UHMK1: variants seen among roughly 807,000 people sequenced by gnomAD.
The protein encoded by UHMK1 is U2AF homology motif kinase 1.
A neutral mutation model predicts 44.0 loss-of-function variants in UHMK1; 18 were observed. That is an observed-to-expected ratio of 0.41 (90% confidence interval 0.28 to 0.61). The LOEUF (loss-of-function observed/expected upper bound fraction) is 0.61, where lower values mean the gene tolerates loss of function less well. UHMK1 is among the 20% of genes least tolerant of loss of function. UHMK1 has a pLI of 0.31. For missense variants in UHMK1, 463 were observed against 522.5 expected, an observed-to-expected ratio of 0.89 and a Z score of 1.11; for synonymous variants, 231 against 198.5, an observed-to-expected ratio of 1.16 and a Z score of -1.38.
At position 162,512,842 on chromosome 1, in the gene UHMK1, A is replaced by G; in HGVS notation, c.1024+19A>G. The G allele has an allele frequency of 6.3e-7, 1 of 1,599,746 alleles. No individual in the cohort carries two copies. The highest frequency in any genetic ancestry group is 1.1e-5 in the South Asian group (1 of 90,450). ...TATGAAGGTTAGTGTTTTCTAAATT[A>G]TATTTTAATGTGTCTTTCTTAAATA... On this transcript the variant is annotated intron_variant, in intron 6 of 7. Transcript: ENST00000489294.
chr1:162,512,740 A>G lies in UHMK1; in HGVS notation c.941A>G (p.Asp314Gly). 3.7e-6 allele frequency: 6 copies of G among 1,614,146 alleles called. No individual in the cohort carries two copies. The highest frequency in any genetic ancestry group is 2.7e-5 in the African/African-American group (2 of 75,052). Residue 314 changes from aspartate (D) to glycine (G), a missense_variant, in exon 6 of 8, where the codon GAT becomes GGT. Asp to Gly is a moderately conservative substitution (Grantham distance 94). This residue lies in a region of UHMK1 where 264 missense variants were observed against 326.3 expected (regional missense o/e 0.81). Coordinates refer to ENST00000489294, the MANE Select transcript of UHMK1 (RefSeq NM_175866.5). Reference protein sequence around the residue: ...FSIPFAPHIEDLVMLPTPVLR... With the variant: ...FSIPFAPHIEGLVMLPTPVLR... The stretch of plus-strand genomic sequence containing the variant: ...ATTTTAACAGCCCCTCATATTGAAG[A>G]TCTGGTCATGCTTCCCACTCCAGTG...
rs764788521 is a variant in UHMK1, at chr1:162,522,450, A to C, written c.1160A>C (p.Lys387Thr). Residue 387 changes from lysine to threonine, a missense_variant, in exon 8 of 8, where the codon AAA becomes ACA. Physicochemically the swap from Lys to Thr is moderately conservative, Grantham distance 78 (BLOSUM62 -1). Around this residue, in one of 3 missense-constraint regions of UHMK1, gnomAD observed 264 missense variants for 326.3 expected, o/e 0.81. Transcript: ENST00000489294. Reference protein sequence around the residue: ...ANAGDSKAAQKLLTGRMFDGK... With the variant: ...ANAGDSKAAQTLLTGRMFDGK... ...GCTGGTGATTCCAAAGCTGCGCAGA[A>C]ATTACTGACTGGAAGGATGTTTGAT... 1.2e-5 allele frequency: 19 copies of C among 1,614,198 alleles called. No individual in the cohort carries two copies. The highest frequency in any genetic ancestry group is 1.5e-5 in the Non-Finnish European group (18 of 1,180,026).
chr1:162,522,330 A>G, intron 7 of UHMK1, 74 bp from the exon 8 acceptor site: 1 of 1,522,126 alleles, frequency 6.6e-7, no homozygotes, highest in Non-Finnish European at 9.0e-7. Context: ...ATGTATATAT[A>G]TTAAAGGTGG....
At chr1:162,514,841 T>G (rs1651780848) in intron 6 of UHMK1, among the ~76,000 whole-genome samples, 1 of 152,206 alleles carries the variant, frequency 6.6e-6, no homozygotes, top group Admixed American at 6.5e-5. Flanking sequence ...TGAAATAGGT[T>G]GGAAGAGAAA....
At position 162,510,879 on chromosome 1, in the gene UHMK1, T is replaced by G. The variant is rs76685941; in HGVS notation, c.849-1621T>G. On this transcript the variant is annotated intron_variant, in intron 4 of 7. Coordinates refer to ENST00000489294, the MANE Select transcript of UHMK1 (RefSeq NM_175866.5). The stretch of plus-strand genomic sequence containing the variant: ...TTTTAAAAATTTTTTTTAAGGGGCC[T>G]CCATACTACTTTCCATAATGGCTTT... Among the ~76,000 whole-genome samples, 67 of 152,224 alleles carry G rather than the reference T, an allele frequency of 4.4e-4. 2 individuals are homozygous for G. The East Asian group carries it at 0.012, about 27-fold the overall frequency.
chr1:162,503,378 G>A (rs183236286), intron 3 of UHMK1, among the ~76,000 whole-genome samples: 3 of 152,132 alleles, frequency 2.0e-5, no homozygotes, highest in African/African-American at 4.8e-5. Flanking sequence ...GGGAGGCCAC[G>A]GTGGGCAGAT....
chr1:162,507,700 C>T (rs753657877), intron 4 of UHMK1, among the ~76,000 whole-genome samples: 1 of 151,014 alleles, frequency 6.6e-6, no homozygotes, highest in Non-Finnish European at 1.5e-5. Flanking sequence ...CATTCTCCTA[C>T]CTCAGCCTCC....
rs1347716739 is a variant in UHMK1 at position 162,527,933 on chromosome 1, TG to T, written c.*5384del. On this transcript the variant is annotated 3_prime_UTR_variant, in exon 8 of 8. Coordinates refer to ENST00000489294, the MANE Select transcript of UHMK1 (RefSeq NM_175866.5). Reference sequence around the variant, plus strand: ...AAAAAAACTGGAATTGTTTGTATTTTGTTTTTTTGGGGGGGGATCTTTATGT... The same window carrying T: ...AAAAAAACTGGAATTGTTTGTATTTTTTTTTTTGGGGGGGGATCTTTATGT... The T allele has an allele frequency of 5.3e-5, 8 of 151,850 alleles. No individual in the cohort carries two copies. The highest frequency in any genetic ancestry group is 1.9e-4 in the African/African-American group (8 of 41,414). 9.4% of individuals were successfully genotyped at this position (151,850 alleles called of 1,614,324 possible). A position where few individuals can be genotyped will look rare whatever the true frequency, so the allele number is the denominator to read the frequency against.
rs1571002554 is a variant in UHMK1, at chr1:162,499,823, T to C, written c.269-132T>C. The C allele has an allele frequency of 1.1e-5, 9 of 814,208 alleles. No homozygotes were observed. The East Asian group carries it at 2.5e-4, about 22-fold the overall frequency. The allele number at this position is 814,208 out of a possible 1,614,324, so 50.4% of individuals were successfully genotyped here. ...CAAAAGATCTTATTCATGGGAAAAA[T>C]AAATTACAGTGGAAGCTTGCTCATC... On this transcript the variant is annotated intron_variant, in intron 1 of 7. Transcript: ENST00000489294.
upstream of UHMK1, chr1:162,497,435 A>G (rs1310387019): frequency 1.8e-6 from 1 of 546,192 alleles, no homozygotes; most frequent in African/African-American, 1.9e-5. Flanking sequence ...CATCTAAAAG[A>G]AGAACAAAGG....
intron 3 of UHMK1, 23 bp from the exon 4 acceptor site, chr1:162,503,731 A>C: frequency 6.2e-7 from 1 of 1,601,736 alleles, no homozygotes; most frequent in South Asian, 1.1e-5. Context: ...TAACCAAAGG[A>C]AAACTTTTCT....
At chr1:162,503,717 T>C in intron 3 of UHMK1, 37 bp from the exon 4 acceptor site, 1 of 1,541,804 alleles carries the variant, frequency 6.5e-7, no homozygotes. Context: ...AAATACAGAC[T>C]GAATAACCAA....
chr1:162,508,009 T>C (rs1311808780), intron 4 of UHMK1, among the ~76,000 whole-genome samples: 2 of 152,246 alleles, frequency 1.3e-5, no homozygotes, highest in African/African-American at 4.8e-5. Flanking sequence ...TTAAAATGTC[T>C]AATTCTTTCC....
intron 7 of UHMK1, among the ~76,000 whole-genome samples, chr1:162,518,583 G>T (rs1355138818): frequency 6.6e-6 from 1 of 152,012 alleles, no homozygotes; most frequent in Non-Finnish European, 1.5e-5. Context: ...TTGGGAGGCT[G>T]AGGCAGGAGA....
intron 1 of UHMK1, among the ~76,000 whole-genome samples, 157 bp downstream of exon 1, chr1:162,498,425 A>G (rs1026936105): frequency 2.6e-5 from 4 of 151,852 alleles, no homozygotes; most frequent in African/African-American, 9.7e-5. Context: ...CTTTCACTTT[A>G]TTACTGTCTG....
At chr1:162,499,922 T>A in intron 1 of UHMK1, 33 bp from the exon 2 acceptor site, 4 of 1,605,322 alleles carry the variant, frequency 2.5e-6, no homozygotes, top group Non-Finnish European at 3.4e-6. Flanking sequence ...ACTCTGAGTC[T>A]GATTTTTAAA....
intron 4 of UHMK1, among the ~76,000 whole-genome samples, chr1:162,505,565 CATT>C (rs1430426356): frequency 1.3e-5 from 2 of 152,202 alleles, no homozygotes; most frequent in Non-Finnish European, 2.9e-5. Flanking sequence ...TGCGATAGGA[CATT>C]ATGATAGCTA....
At chr1:162,503,081 G>A (rs1044721821) in intron 3 of UHMK1, among the ~76,000 whole-genome samples, 1 of 152,096 alleles carries the variant, frequency 6.6e-6, no homozygotes, top group African/African-American at 2.4e-5. Context: ...CATCATATTC[G>A]CTTTGATAGT....
chr1:162,501,250 A>G (rs1571003948), intron 3 of UHMK1, 146 bp downstream of exon 3: 3 of 752,900 alleles, frequency 4.0e-6, no homozygotes, highest in Non-Finnish European at 6.1e-6. Context: ...GCTCACTGCA[A>G]CCTCCACCTT....
Sources: allele counts gnomAD v4.1 joint callset (sites outside exome capture counted in the v4.1 genomes callset), GRCh38; gene constraint gnomAD v4.1.1; regional missense constraint gnomAD v4.1.1; transcripts MANE v1.5; gene names NCBI Gene and HGNC (gene_info 2026-07-23, HGNC 2026-07-21).